Variants in EIF3H observed in about 807,000 individuals in gnomAD.
EIF3H encodes the protein eIF-3-gamma.
A neutral mutation model predicts 44.2 loss-of-function variants in EIF3H; 26 were observed. That is an observed-to-expected ratio of 0.59 (90% CI 0.43 to 0.82). The LOEUF is 0.82. Among genes scored for constraint, EIF3H ranks in the 40% least tolerant of loss-of-function variants. The pLI, the probability that EIF3H is intolerant of heterozygous loss-of-function variation, is 0.00. For missense variants in EIF3H, 359 were observed against 432.8 expected (o/e 0.83, Z 1.51); for synonymous variants, 166 against 151.9 (o/e 1.09, Z -0.68).
chr8:116,732,730 C>T (rs1005902197), intron 1 of EIF3H, among the ~76,000 whole-genome samples: 4 of 152,060 alleles, frequency 2.6e-5, no homozygotes, highest in African/African-American at 9.7e-5. Flanking sequence ...TCTGCCAGGC[C>T]CTGGGAATAT....
intron 5 of EIF3H, 141 bp downstream of exon 5, chr8:116,655,715 T>C: frequency 2.4e-6 from 2 of 850,674 alleles, no homozygotes; most frequent in Non-Finnish European, 3.7e-6. Context: ...GGCCAGACTA[T>C]TACTCCATGT....
chr8:116,745,650 G>A (rs1446168548), intron 1 of EIF3H, among the ~76,000 whole-genome samples: 1 of 152,196 alleles, frequency 6.6e-6, no homozygotes, highest in East Asian at 1.9e-4. Flanking sequence ...GAAAAGTCTG[G>A]CCCAGTGTGG....
At chr8:116,728,335 G>C (rs1814887502) in intron 1 of EIF3H, among the ~76,000 whole-genome samples, 1 of 152,006 alleles carries the variant, frequency 6.6e-6, no homozygotes, top group East Asian at 1.9e-4. Context: ...GAGAAATTAA[G>C]TAAATGGCTA....
intron 2 of EIF3H, among the ~76,000 whole-genome samples, chr8:116,698,381 CT>C (rs1158972627): frequency 2.6e-5 from 4 of 152,140 alleles, no homozygotes; most frequent in Admixed American, 1.3e-4. Flanking sequence ...AAAATTACCC[CT>C]CTCCTCAGTA....
intron 1 of EIF3H, among the ~76,000 whole-genome samples, chr8:116,763,396 T>G (rs1339779318): frequency 6.6e-6 from 1 of 152,268 alleles, no homozygotes; most frequent in Non-Finnish European, 1.5e-5. Context: ...ACTATCTTCA[T>G]GTTCTTCCAC....
rs762096439 is a variant in EIF3H at position 116,646,578 on chromosome 8, T to C, written c.854A>G (p.Asn285Ser). ...HQYQQRRQQENMQRQSRGEPP... is the reference protein window; with the variant it reads ...HQYQQRRQQESMQRQSRGEPP... The stretch of plus-strand genomic sequence containing the variant: ...TTCTCCTCGGCTCTGGCGCTGCATA[T>C]TCTCCTGCTGGCGACGCTGCTGATA... Residue 285 changes from asparagine to serine, a missense_variant, in exon 7 of 8, where the codon AAT becomes AGT. Transcript: ENST00000521861. The C allele has an allele frequency of 6.2e-7, 1 of 1,614,090 alleles. No homozygotes were observed. The highest frequency in any genetic ancestry group is 1.1e-5 in the South Asian group (1 of 91,068).
chr8:116,761,301 C>T (rs1020859557), intron 1 of EIF3H, among the ~76,000 whole-genome samples: 1 of 152,118 alleles, frequency 6.6e-6, no homozygotes, highest in Admixed American at 6.5e-5. Context: ...CTCTTGAGGT[C>T]AGGAGTTTGA....
At chr8:116,704,628 C>T (rs1814436797) in intron 2 of EIF3H, among the ~76,000 whole-genome samples, 1 of 152,116 alleles carries the variant, frequency 6.6e-6, no homozygotes. Flanking sequence ...AATCGACAAA[C>T]AGGAAGATAT....
intron 1 of EIF3H, among the ~76,000 whole-genome samples, chr8:116,749,530 G>T (rs1330460487): frequency 6.6e-6 from 1 of 152,190 alleles, no homozygotes; most frequent in Non-Finnish European, 1.5e-5. Flanking sequence ...ATGTTCTAGG[G>T]AACAAAGTGG....
chr8:116,668,011 A>C (rs1201435098), intron 2 of EIF3H, among the ~76,000 whole-genome samples: 1 of 152,166 alleles, frequency 6.6e-6, no homozygotes, highest in Non-Finnish European at 1.5e-5. Context: ...AAAGGTATAG[A>C]CTGAGTTTAT....
At chr8:116,678,287 A>G (rs1220015724) in intron 2 of EIF3H, among the ~76,000 whole-genome samples, 1 of 151,280 alleles carries the variant, frequency 6.6e-6, no homozygotes. Context: ...AGTCTCGTTC[A>G]CTCAGTGCTC....
At chr8:116,749,628 T>C (rs567741487) in intron 1 of EIF3H, among the ~76,000 whole-genome samples, 1 of 152,210 alleles carries the variant, frequency 6.6e-6, no homozygotes, top group Non-Finnish European at 1.5e-5. Context: ...ACCCATTCTT[T>C]CTTTATTTTT....
In EIF3H at chr8:116,700,576, C is replaced by G. The variant is rs566722770; in HGVS notation, c.289+25440G>C. ...AGGGAAAATCCTCTCTACTTTTTAC[C>G]AACTATTTAGCAAAAAAAGACAAAG... On this transcript the variant is annotated intron_variant, in intron 2 of 7. Coordinates refer to ENST00000521861, the MANE Select transcript of EIF3H (RefSeq NM_003756.3). 6.6e-5 allele frequency among the ~76,000 whole-genome samples: 10 copies of G among 152,074 alleles called. No homozygotes were observed. The South Asian group carries it at 2.1e-3, about 32-fold the overall frequency.
chr8:116,746,285 A>G (rs932333287), intron 1 of EIF3H, among the ~76,000 whole-genome samples: 4 of 152,210 alleles, frequency 2.6e-5, no homozygotes, highest in Non-Finnish European at 4.4e-5. Flanking sequence ...CACTAGATTA[A>G]CTATTCTGTA....
intron 2 of EIF3H, among the ~76,000 whole-genome samples, chr8:116,709,460 A>T (rs1424233807): frequency 6.6e-6 from 1 of 152,214 alleles, no homozygotes; most frequent in Non-Finnish European, 1.5e-5. Context: ...TTTGTAAGGG[A>T]TCACATGTTT....
At chr8:116,670,649 C>A (rs751491088) in intron 2 of EIF3H, among the ~76,000 whole-genome samples, 1 of 152,100 alleles carries the variant, frequency 6.6e-6, no homozygotes, top group African/African-American at 2.4e-5. Context: ...GAGAAGAATA[C>A]GTGTTTATAA....
chr8:116,667,210 T>C lies in EIF3H; in HGVS notation c.290-8230A>G, dbSNP rs536159294. The stretch of plus-strand genomic sequence containing the variant: ...AAAAAGGAAAACATGGTCATTCATA[T>C]CCAAAGGGAGACAAATATCAGATCT... On this transcript the variant is annotated intron_variant, in intron 2 of 7. Transcript: ENST00000521861. Among the ~76,000 whole-genome samples, 3 of 152,262 alleles carry C rather than the reference T, an allele frequency of 2.0e-5. No individual in the cohort carries two copies. In the South Asian group the frequency reaches 6.2e-4, roughly 32 times the overall value.
chr8:116,710,248 T>C (rs1317430673), intron 2 of EIF3H, among the ~76,000 whole-genome samples: 2 of 152,224 alleles, frequency 1.3e-5, no homozygotes, highest in Non-Finnish European at 2.9e-5. Flanking sequence ...AAAGTCTTCC[T>C]GTGTCATCAG....
At chr8:116,753,583 TGAGA>T (rs1331433112) in intron 1 of EIF3H, among the ~76,000 whole-genome samples, 1 of 152,212 alleles carries the variant, frequency 6.6e-6, no homozygotes, top group Non-Finnish European at 1.5e-5. Context: ...TAATCAATTC[TGAGA>T]GAGCTGATAA....
Sources: allele counts gnomAD v4.1 joint callset (sites outside exome capture counted in the v4.1 genomes callset), GRCh38; gene constraint gnomAD v4.1.1; transcripts MANE v1.5; gene names NCBI Gene and HGNC (gene_info 2026-07-23, HGNC 2026-07-21).